CFAP54: variants seen among roughly 807,000 people sequenced by gnomAD.
The protein encoded by CFAP54 is cilia- and flagella-associated protein 54.
Under a neutral mutation model 370.4 loss-of-function variants are expected in CFAP54, and 290 were observed. That is an observed-to-expected ratio of 0.78 (90% CI 0.71 to 0.86). CFAP54 has a LOEUF of 0.86. CFAP54 is among the 40% of genes least tolerant of loss of function. The pLI, the probability that CFAP54 is intolerant of heterozygous loss-of-function variation, is 0.00. For synonymous variants in CFAP54, 1,206 were observed against 1,236.5 expected (o/e 0.98, Z 0.52); for missense variants, 3,399 against 3,528.7 (o/e 0.96, Z 0.93).
intron 19 of CFAP54, among the ~76,000 whole-genome samples, chr12:96,565,299 T>A (rs1219291829): frequency 1.3e-5 from 2 of 152,128 alleles, no homozygotes; most frequent in Non-Finnish European, 2.9e-5. Flanking sequence ...AGTGGCGCAG[T>A]CCTAGATCAC....
chr12:96,598,795 T>G, intron 26 of CFAP54, 28 bp downstream of exon 26: 1 of 545,024 alleles, frequency 1.8e-6, no homozygotes, highest in Non-Finnish European at 3.3e-6. Context: ...TATCTAGTAT[T>G]ATAATATTTA....
intron 16 of CFAP54, 31 bp downstream of exon 16, chr12:96,554,341 A>C: frequency 2.7e-6 from 4 of 1,472,982 alleles, no homozygotes; most frequent in Non-Finnish European, 2.7e-6. Context: ...AATTAGATTG[A>C]AGTTTTACTT....
chr12:96,666,814 C>T (rs1279544329), intron 39 of CFAP54, among the ~76,000 whole-genome samples: 1 of 152,174 alleles, frequency 6.6e-6, no homozygotes, highest in Non-Finnish European at 1.5e-5. Context: ...CCAATCATGC[C>T]TTCCCAACAG....
At chr12:96,691,931 T>G (rs761210110) in intron 44 of CFAP54, among the ~76,000 whole-genome samples, 13 of 152,124 alleles carry the variant, frequency 8.5e-5, no homozygotes, top group Non-Finnish European at 1.6e-4. Flanking sequence ...TATATTTTCC[T>G]CCATTATTTC....
chr12:96,769,328 A>G (rs577625394), intron 60 of CFAP54, among the ~76,000 whole-genome samples: 8 of 152,346 alleles, frequency 5.3e-5, no homozygotes, highest in African/African-American at 1.7e-4. Flanking sequence ...TAAACAATAT[A>G]TACAGAAAAC....
chr12:96,671,651 G>A (rs1385183645), intron 39 of CFAP54, among the ~76,000 whole-genome samples: 8 of 152,202 alleles, frequency 5.3e-5, no homozygotes, highest in African/African-American at 1.9e-4. Context: ...GCCAGGCGTG[G>A]TGGCTTACGC....
intron 60 of CFAP54, among the ~76,000 whole-genome samples, chr12:96,766,790 C>T (rs1271414849): frequency 6.6e-6 from 1 of 152,192 alleles, no homozygotes; most frequent in Non-Finnish European, 1.5e-5. Context: ...TTACCCTAGT[C>T]ATTTCCTTGT....
At chr12:96,514,453 C>G (rs994094633) in intron 5 of CFAP54, among the ~76,000 whole-genome samples, 1 of 152,220 alleles carries the variant, frequency 6.6e-6, no homozygotes, top group African/African-American at 2.4e-5. Flanking sequence ...TCTCCCAGGC[C>G]TAATGTAAAC....
intron 33 of CFAP54, chr12:96,645,220 A>C (rs1310698834): frequency 1.1e-5 from 5 of 455,668 alleles, no homozygotes; most frequent in Non-Finnish European, 2.2e-5. Context: ...AATAGAAGAT[A>C]CATACATAAT....
chr12:96,561,604 T>C (rs540451998), intron 17 of CFAP54, among the ~76,000 whole-genome samples: 2 of 151,968 alleles, frequency 1.3e-5, no homozygotes, highest in African/African-American at 4.8e-5. Flanking sequence ...TTTGGTACCT[T>C]TTGCTAGGAA....
chr12:96,562,580 C>G (rs1016903967), intron 17 of CFAP54, among the ~76,000 whole-genome samples: 1 of 151,872 alleles, frequency 6.6e-6, no homozygotes, highest in East Asian at 1.9e-4. Flanking sequence ...GCATGTGCCA[C>G]CACACCTGGC....
At chr12:96,505,383 C>A (rs1466860239) in intron 3 of CFAP54, among the ~76,000 whole-genome samples, 2 of 151,974 alleles carry the variant, frequency 1.3e-5, no homozygotes, top group Non-Finnish European at 2.9e-5. Context: ...AAAGTAGAAA[C>A]CTGTCATTTT....
intron 19 of CFAP54, among the ~76,000 whole-genome samples, chr12:96,567,191 G>T (rs922824737): frequency 2.0e-4 from 30 of 152,302 alleles, no homozygotes; most frequent in African/African-American, 7.0e-4. Flanking sequence ...CCCAAGGCGA[G>T]AAATGTCATA....
At chr12:96,821,420 C>T (rs1959032736) in intron 65 of CFAP54, among the ~76,000 whole-genome samples, 1 of 152,112 alleles carries the variant, frequency 6.6e-6, no homozygotes, top group South Asian at 2.1e-4. Flanking sequence ...TGGATCAATC[C>T]TCAAGTAGAA....
intron 14 of CFAP54, among the ~76,000 whole-genome samples, chr12:96,545,982 A>T (rs1339855550): frequency 6.6e-6 from 1 of 152,194 alleles, no homozygotes; most frequent in East Asian, 1.9e-4. Context: ...CTTTATGATA[A>T]AGTGATAAAC....
intron 22 of CFAP54, among the ~76,000 whole-genome samples, chr12:96,583,188 A>G (rs147099060): frequency 2.2e-3 from 340 of 152,240 alleles, no homozygotes; most frequent in Middle Eastern, 6.8e-3. Context: ...CTATTAGTTT[A>G]GTGTATCTGG....
intron 60 of CFAP54, among the ~76,000 whole-genome samples, chr12:96,771,308 T>C (rs1216830739): frequency 1.3e-5 from 2 of 152,276 alleles, no homozygotes; most frequent in South Asian, 2.1e-4. Flanking sequence ...AGAAATACAC[T>C]GTCCACTGGT....
At chr12:96,704,639 A>T in intron 46 of CFAP54, 104 bp from the exon 47 acceptor site, 2 of 413,890 alleles carry the variant, frequency 4.8e-6, no homozygotes. Flanking sequence ...TTACTTTTCC[A>T]ATAAAAATGA....
intron 60 of CFAP54, among the ~76,000 whole-genome samples, chr12:96,769,398 C>T (rs2136676541): frequency 6.6e-6 from 1 of 152,186 alleles, no homozygotes; most frequent in East Asian, 1.9e-4. Flanking sequence ...GGGTCAGTTT[C>T]CAGCCCATGC....
Sources: gnomAD v4.1 joint callset for allele counts (sites outside exome capture counted in the v4.1 genomes callset) on GRCh38, gnomAD v4.1.1 for gene constraint, MANE v1.5 for transcripts, NCBI Gene and HGNC (gene_info 2026-07-23, HGNC 2026-07-21) for gene names.